The following ZNF70 variants were observed in gnomAD, a reference collection of about 807,000 sequenced individuals.
ZNF70 encodes the protein zinc finger protein 70, also known as zinc finger protein N27C7-1.
In ZNF70, 18 loss-of-function variants were observed where a neutral mutation model predicts 37.7. That is an observed-to-expected ratio of 0.48 (90% confidence interval 0.33 to 0.71). The LOEUF (loss-of-function observed/expected upper bound fraction) is 0.71. Ranked by LOEUF, ZNF70 falls within the 30% of genes least tolerant of loss-of-function variation. The pLI, the probability that ZNF70 is intolerant of heterozygous loss-of-function variation, is 0.02. For missense variants in ZNF70, 506 were observed against 568.6 expected, an observed-to-expected ratio of 0.89 and a Z score of 1.12; for synonymous variants, 219 against 220.1, an observed-to-expected ratio of 0.99 and a Z score of 0.05.
chr22:23,750,275 T>C (rs1449282147), intron 1 of ZNF70, among the ~76,000 whole-genome samples: 1 of 152,202 alleles, frequency 6.6e-6, no homozygotes, highest in Non-Finnish European at 1.5e-5. Context: ...CTATGTTATG[T>C]TTGGCTCTCG....
In ZNF70 at chr22:23,744,618, T is replaced by G; in HGVS notation, c.523A>C (p.Lys175Gln). The change falls in exon 2 of 2, where the codon AAG becomes CAG. Residue 175 changes from lysine (K) to glutamine (Q), a missense_variant. Lys to Gln is a moderately conservative substitution (Grantham distance 53, BLOSUM62 1). Transcript: ENST00000341976. ...EKPYECCECGKAFSQSSHLLR... is the reference protein window; with the variant it reads ...EKPYECCECGQAFSQSSHLLR... ...AGGTGGGAGCTCTGGCTGAAGGCCT[T>G]CCCGCACTCACAGCACTCATAGGGC... 6.2e-7 allele frequency: 1 copy of G among 1,614,088 alleles called. No individual in the cohort carries two copies. The highest frequency in any genetic ancestry group is 1.3e-5 in the African/African-American group (1 of 75,042).
intron 1 of ZNF70, among the ~76,000 whole-genome samples, chr22:23,749,431 G>A: frequency 6.9e-6 from 1 of 143,888 alleles, no homozygotes; most frequent in Non-Finnish European, 1.5e-5. Context: ...GGGAGGCTGA[G>A]GCAGGAGAAT....
rs1376562511 is a variant in ZNF70, at chr22:23,744,790, A to G, written c.351T>C (p.Cys117=). The G allele has an allele frequency of 6.2e-7, 1 of 1,614,204 alleles. No individual in the cohort carries two copies. The highest frequency in any genetic ancestry group is 2.2e-5 in the East Asian group (1 of 44,888). ...IHSEEPSPCD[C]AETDRGDSGP... is the part of the protein sequence containing the mutation. ...CTGAGTCCCCTCTGTCTGTTTCTGC[A>G]CAATCGCATGGACTGGGCTCTTCAC... Residue 117 remains cysteine, a synonymous_variant, in exon 2 of 2, where the codon TGT becomes TGC. Coordinates refer to ENST00000341976, the MANE Select transcript of ZNF70 (RefSeq NM_021916.4).
intron 1 of ZNF70, among the ~76,000 whole-genome samples, chr22:23,746,201 C>CTTTT (rs760293135): frequency 1.6e-3 from 179 of 114,198 alleles, no homozygotes; most frequent in Non-Finnish European, 2.4e-3. Context: ...TGGTGGTTCC[C>CTTTT]TTTTTTTTTT....
In ZNF70 at chr22:23,741,332, C is replaced by CT. The variant is rs1437205206; in HGVS notation, c.*2467dup. ...TGCATCCTAGCATTCTCTCTTCACT[C>CT]TTGATAGAGACAGGCCTGAAATGAC... On this transcript the variant is annotated 3_prime_UTR_variant, in exon 2 of 2. Transcript: ENST00000341976. The CT allele has an allele frequency of 6.6e-6, 1 of 152,262 alleles. No homozygotes were observed. The allele number at this position is 152,262 out of a possible 1,614,324, so 9.4% of individuals were successfully genotyped here.
intron 1 of ZNF70, among the ~76,000 whole-genome samples, chr22:23,746,223 T>G (rs1207005893): frequency 4.1e-5 from 6 of 146,762 alleles, no homozygotes; most frequent in Admixed American, 2.0e-4. Context: ...TTTTTTTTTT[T>G]TGAGATGGAG....
rs369725190 is a variant in ZNF70 at position 23,743,740 on chromosome 22, C to A, written c.*60G>T. On this transcript the variant is annotated 3_prime_UTR_variant, in exon 2 of 2. Coordinates refer to ENST00000341976, the MANE Select transcript of ZNF70 (RefSeq NM_021916.4). ...GGTAGGTGGGGTCTTGGAGACCACG[C>A]GACGTGGAATAAAGGCTCCATCTGG... The A allele has an allele frequency of 5.2e-5, 80 of 1,552,184 alleles. No individual in the cohort carries two copies. Among genetic ancestry groups the A allele is most frequent in the Non-Finnish European group, 6.5e-5 (75 of 1,152,124 alleles).
In ZNF70 at chr22:23,743,801, T is replaced by C; in HGVS notation, c.1340A>G (p.Ter447TrpextTer140). The C allele has an allele frequency of 6.2e-7, 1 of 1,612,020 alleles. No homozygotes were observed. Among genetic ancestry groups the C allele is most frequent in the Non-Finnish European group, 8.5e-7 (1 of 1,178,792 alleles). ...HQKIHSGEKL[*>W] ...CAAGCTTTGTGTGGGCTCCTCTTTC[T>C]ATAGCTTCTCCCCAGAATGAATCTT... The change falls in exon 2 of 2, where the codon TAG becomes TGG. Residue 447 changes from the stop codon to tryptophan (W), a stop_lost. Coordinates refer to ENST00000341976, the MANE Select transcript of ZNF70 (RefSeq NM_021916.4).
chr22:23,747,397 C>A (rs190981025), intron 1 of ZNF70, among the ~76,000 whole-genome samples: 1 of 152,158 alleles, frequency 6.6e-6, no homozygotes, highest in East Asian at 1.9e-4. Context: ...GAATCTAACA[C>A]CTGATGATCT....
chr22:23,742,490 G>A lies in ZNF70; in HGVS notation c.*1310C>T, dbSNP rs892951588. On this transcript the variant is annotated 3_prime_UTR_variant, in exon 2 of 2. Transcript: ENST00000341976. ...GGAGGCTCAGGATGGCATCCTAGAG[G>A]AAGTGTCCTTGTGTGGGACACTGCA... The A allele has an allele frequency of 6.6e-6, 1 of 152,318 alleles. No individual in the cohort carries two copies. The highest frequency in any genetic ancestry group is 1.5e-5 in the Non-Finnish European group (1 of 68,084). The allele number at this position is 152,318 out of a possible 1,614,324, so 9.4% of individuals were successfully genotyped here.
At chr22:23,747,893 G>A (rs1199355296) in intron 1 of ZNF70, among the ~76,000 whole-genome samples, 1 of 152,042 alleles carries the variant, frequency 6.6e-6, no homozygotes, top group Non-Finnish European at 1.5e-5. Flanking sequence ...TCCAGTTGAA[G>A]GAGGGCGCGT....
At chr22:23,748,160 C>A (rs5996608) in intron 1 of ZNF70, among the ~76,000 whole-genome samples, 12,525 of 148,936 alleles carry the variant, frequency 0.084, 1,547 homozygotes, top group African/African-American at 0.28. Context: ...CCTTATACTG[C>A]ATCTAGAGAG....
chr22:23,745,147 T>A lies in ZNF70; in HGVS notation c.-7A>T. On this transcript the variant is annotated 5_prime_UTR_variant, in exon 2 of 2. Transcript: ENST00000341976. The stretch of plus-strand genomic sequence containing the variant: ...TTGCTGGGGGAACCTCCATTGTGAA[T>A]CTGCTATCATCCCCAATGGTTGTAT... The A allele has an allele frequency of 1.9e-6, 3 of 1,608,816 alleles. No individual in the cohort carries two copies. Among genetic ancestry groups the A allele is most frequent in the Non-Finnish European group, 2.6e-6 (3 of 1,176,322 alleles).
At position 23,744,875 on chromosome 22, in the gene ZNF70, T is replaced by C. The variant is rs1387452262; in HGVS notation, c.266A>G (p.Glu89Gly). Residue 89 changes from glutamate (E) to glycine (G), a missense_variant, in exon 2 of 2, where the codon GAG (glutamate) becomes GGG (glycine). Physicochemically the swap from Glu to Gly is moderately conservative, Grantham distance 98 (BLOSUM62 -2). Coordinates refer to ENST00000341976, the MANE Select transcript of ZNF70 (RefSeq NM_021916.4). ...IPPGTRPQDDELFGQTFLQKS... is the reference protein window; with the variant it reads ...IPPGTRPQDDGLFGQTFLQKS... ...CTGGAGGAAGGTTTGTCCGAAGAGC[T>C]CATCATCCTGGGGTCTGGTTCCTGG... 2 of 1,614,096 alleles carry C rather than the reference T, an allele frequency of 1.2e-6. No homozygotes were observed. The highest frequency in any genetic ancestry group is 2.7e-5 in the African/African-American group (2 of 74,932).
chr22:23,747,622 G>A (rs182548041), intron 1 of ZNF70, among the ~76,000 whole-genome samples: 182 of 152,216 alleles, frequency 1.2e-3, no homozygotes, highest in Middle Eastern at 3.4e-3. Flanking sequence ...ACGAGGTCAC[G>A]AGATCGAGAC....
In ZNF70 at chr22:23,744,211, G is replaced by T; in HGVS notation, c.930C>A (p.Cys310Ter). 1 of 1,613,660 alleles carries T rather than the reference G, an allele frequency of 6.2e-7. No individual in the cohort carries two copies. Among genetic ancestry groups the T allele is most frequent in the South Asian group, 1.1e-5 (1 of 91,052 alleles). The change falls in exon 2 of 2, where the codon TGC becomes TGA. Residue 310 changes from cysteine to a stop codon, truncating the protein, a stop_gained. Transcript: ENST00000341976. LOFTEE classifies it high-confidence loss of function. ...RIHTGKKPYK[C>*]DECGKAFSQS... ...GGCTGAAGGCCTTCCCGCACTCATC[G>T]CATTTGTATGGTTTCTTCCCAGTGT...
Position 23,742,199 on chromosome 22 carries a change from G to C in ZNF70, c.*1601C>G, listed in dbSNP as rs572418899. ...GGAGGCAGAGCTTGCAGTAAGCCAAGATCACGCCACTGCATTCCAGCCTGG... is the reference window on the plus strand; with the variant it reads ...GGAGGCAGAGCTTGCAGTAAGCCAACATCACGCCACTGCATTCCAGCCTGG... On this transcript the variant is annotated 3_prime_UTR_variant, in exon 2 of 2. Transcript: ENST00000341976. 3.3e-5 allele frequency: 5 copies of C among 152,420 alleles called. No individual in the cohort carries two copies. The highest frequency in any genetic ancestry group is 1.2e-4 in the African/African-American group (5 of 41,500). 9.4% of individuals were successfully genotyped at this position (152,420 alleles called of 1,614,324 possible).
intron 1 of ZNF70, among the ~76,000 whole-genome samples, chr22:23,745,478 A>G (rs1162157407): frequency 2.0e-5 from 3 of 152,166 alleles, no homozygotes; most frequent in Admixed American, 1.3e-4. Context: ...GAGCTAAAAC[A>G]GGAAGTGGGG....
In ZNF70 at chr22:23,739,201, C is replaced by T. The variant is rs1040077327; in HGVS notation, c.*4599G>A. On this transcript the variant is annotated 3_prime_UTR_variant, in exon 2 of 2. Coordinates refer to ENST00000341976, the MANE Select transcript of ZNF70 (RefSeq NM_021916.4). ...CAGGCCCAAAGAAGTCCTATGGACA[C>T]TTAGAAATGTTGACACCACAGTACA... The T allele has an allele frequency of 6.6e-6, 1 of 152,176 alleles. No individual in the cohort carries two copies. Among genetic ancestry groups the T allele is most frequent in the Non-Finnish European group, 1.5e-5 (1 of 68,038 alleles). The allele number at this position is 152,176 out of a possible 1,614,324, so 9.4% of individuals were successfully genotyped here. A position where few individuals can be genotyped will look rare whatever the true frequency, so the allele number is the denominator to read the frequency against.
Sources: gnomAD v4.1 joint callset for allele counts (sites outside exome capture counted in the v4.1 genomes callset) on GRCh38, gnomAD v4.1.1 for gene constraint, MANE v1.5 for transcripts, NCBI Gene and HGNC (gene_info 2026-07-23, HGNC 2026-07-21) for gene names.